The following GRIK2 variants were observed in gnomAD, a reference collection of about 807,000 sequenced individuals.
The protein encoded by GRIK2 is glutamate receptor ionotropic, kainate 2.
GRIK2 carries 32 observed loss-of-function variants against 100.3 expected under a neutral mutation model. The observed-to-expected ratio is 0.32, with a 90% confidence interval of 0.24 to 0.43. The LOEUF (loss-of-function observed/expected upper bound fraction) is 0.43. Ranked by LOEUF, GRIK2 falls within the 20% of genes least tolerant of loss-of-function variation. The pLI, the probability that GRIK2 is intolerant of heterozygous loss-of-function variation, is 1.00. For synonymous variants in GRIK2, 417 were observed against 389.4 expected (o/e 1.07, Z -0.83); for missense variants, 843 against 1,114.9 (o/e 0.76, Z 3.47).
chr6:101,401,358 C>A (rs1404869242), intron 2 of GRIK2, among the ~76,000 whole-genome samples: 1 of 151,994 alleles, frequency 6.6e-6, no homozygotes, highest in Non-Finnish European at 1.5e-5. Context: ...TAGCAGCTTT[C>A]CAAAAGAGCT....
At chr6:101,886,810 T>G (rs1786655985) in intron 11 of GRIK2, among the ~76,000 whole-genome samples, 3 of 148,774 alleles carry the variant, frequency 2.0e-5, no homozygotes, top group Admixed American at 1.4e-4. Context: ...ACCACCATTC[T>G]TCTTTCTACC....
At chr6:101,995,129 A>G (rs909682243) in intron 14 of GRIK2, among the ~76,000 whole-genome samples, 1 of 151,904 alleles carries the variant, frequency 6.6e-6, no homozygotes, top group South Asian at 2.1e-4. Flanking sequence ...AAATGAACCC[A>G]TGGTAGTTCC....
chr6:101,664,617 C>T (rs1769874946), intron 4 of GRIK2, among the ~76,000 whole-genome samples: 1 of 152,180 alleles, frequency 6.6e-6, no homozygotes, highest in Admixed American at 6.5e-5. Context: ...GGCATAATTG[C>T]TTTTTTTCAT....
intron 14 of GRIK2, among the ~76,000 whole-genome samples, chr6:101,999,678 G>GT (rs1794832023): frequency 6.6e-6 from 1 of 151,974 alleles, no homozygotes; most frequent in Non-Finnish European, 1.5e-5. Flanking sequence ...GACTATATAA[G>GT]TTTTTTGTGC....
At chr6:101,732,404 A>AT (rs1325533260) in intron 7 of GRIK2, among the ~76,000 whole-genome samples, 3 of 151,852 alleles carry the variant, frequency 2.0e-5, no homozygotes, top group Admixed American at 6.6e-5. Context: ...TAACAATCAT[A>AT]TTTTTTTTAG....
At chr6:101,614,749 G>T (rs1172750888) in intron 2 of GRIK2, among the ~76,000 whole-genome samples, 1 of 151,674 alleles carries the variant, frequency 6.6e-6, no homozygotes, top group Non-Finnish European at 1.5e-5. Flanking sequence ...ATAACAGATG[G>T]TGTGCCATTT....
intron 2 of GRIK2, among the ~76,000 whole-genome samples, chr6:101,585,151 T>TC (rs1176940561): frequency 6.6e-6 from 1 of 152,036 alleles, no homozygotes; most frequent in Non-Finnish European, 1.5e-5. Flanking sequence ...AATTGAGATT[T>TC]CCCCAAAATA....
Position 101,845,659 on chromosome 6 carries a change from C to A in GRIK2, c.1318-13628C>A, listed in dbSNP as rs12204893. On this transcript the variant is annotated intron_variant, in intron 10 of 16. Transcript: ENST00000369134. Reference sequence around the variant, plus strand: ...TTTTGTTTAAACACCAATTTTTAATCTTTTTGGGTATATACCTAAGAATAG... The same window carrying A: ...TTTTGTTTAAACACCAATTTTTAATATTTTTGGGTATATACCTAAGAATAG... Among the ~76,000 whole-genome samples the A allele has an allele frequency of 9.2e-3, 1,403 of 152,216 alleles. 14 individuals are homozygous for A. Among genetic ancestry groups the A allele is most frequent in the Middle Eastern group, 0.02 (6 of 294 alleles).
Position 101,559,655 on chromosome 6 carries a change from C to G in GRIK2, c.116-62294C>G, listed in dbSNP as rs570619232. On this transcript the variant is annotated intron_variant, in intron 2 of 16. Transcript: ENST00000369134. The stretch of plus-strand genomic sequence containing the variant: ...TATTATTTAATACCTCCATCCTTAA[C>G]TGCCTTATAATTTTAATAGCAATGA... Among the ~76,000 whole-genome samples, 6 of 152,192 alleles carry G rather than the reference C, an allele frequency of 3.9e-5. No homozygotes were observed. The South Asian group carries it at 1.2e-3, about 32-fold the overall frequency.
At chr6:101,953,753 A>G (rs1309239818) in intron 14 of GRIK2, among the ~76,000 whole-genome samples, 1 of 152,122 alleles carries the variant, frequency 6.6e-6, no homozygotes, top group Non-Finnish European at 1.5e-5. Context: ...AAAAGCTTTT[A>G]CTATTAATGA....
At chr6:101,655,479 C>T (rs976760172) in intron 4 of GRIK2, among the ~76,000 whole-genome samples, 1 of 152,134 alleles carries the variant, frequency 6.6e-6, no homozygotes, top group East Asian at 1.9e-4. Flanking sequence ...AAAATCCATA[C>T]CTGCCACTTA....
At chr6:101,536,607 A>G (rs1228795008) in intron 2 of GRIK2, among the ~76,000 whole-genome samples, 1 of 151,738 alleles carries the variant, frequency 6.6e-6, no homozygotes, top group East Asian at 1.9e-4. Context: ...CTAAAGTTTC[A>G]AAAACTTAGA....
intron 2 of GRIK2, among the ~76,000 whole-genome samples, chr6:101,406,929 C>T (rs1775626985): frequency 6.6e-6 from 1 of 152,036 alleles, no homozygotes; most frequent in Admixed American, 6.6e-5. Context: ...AGCTACTTTT[C>T]TATTATTAAA....
intron 2 of GRIK2, among the ~76,000 whole-genome samples, chr6:101,418,644 C>G (rs1205985678): frequency 2.0e-5 from 3 of 152,044 alleles, no homozygotes; most frequent in African/African-American, 7.2e-5. Context: ...GATAGTTAGG[C>G]AGGGAAGGAA....
rs1482653264 is a variant in GRIK2, at chr6:102,013,096, A to G, written c.2086-22245A>G. Reference sequence around the variant, plus strand: ...GAATGTTTCTTTATTTGTTTGTGTCATCTTTGATTTCTTTGAGGAGTGTTT... The same window carrying G: ...GAATGTTTCTTTATTTGTTTGTGTCGTCTTTGATTTCTTTGAGGAGTGTTT... On this transcript the variant is annotated intron_variant, in intron 14 of 16. Coordinates refer to ENST00000369134, the MANE Select transcript of GRIK2 (RefSeq NM_021956.5). Among the ~76,000 whole-genome samples the G allele has an allele frequency of 2.0e-5, 3 of 151,992 alleles. No individual in the cohort carries two copies. The East Asian group carries it at 5.8e-4, about 29-fold the overall frequency.
At chr6:101,858,975 A>C (rs565473932) in intron 10 of GRIK2, among the ~76,000 whole-genome samples, 78 of 152,046 alleles carry the variant, frequency 5.1e-4, no homozygotes, top group African/African-American at 1.8e-3. Context: ...TATAGCATAT[A>C]TTACATATCA....
chr6:101,583,486 G>A (rs1778200700), intron 2 of GRIK2, among the ~76,000 whole-genome samples: 1 of 152,104 alleles, frequency 6.6e-6, no homozygotes, highest in Admixed American at 6.6e-5. Flanking sequence ...AAGACTGCCT[G>A]AGTGAACTGC....
At chr6:101,401,989 A>C (rs995518122) in intron 2 of GRIK2, among the ~76,000 whole-genome samples, 1 of 152,062 alleles carries the variant, frequency 6.6e-6, no homozygotes. Context: ...GCAACGGCGG[A>C]GCCCGCCCAG....
chr6:101,735,852 A>G (rs1280657593), intron 7 of GRIK2, among the ~76,000 whole-genome samples: 4 of 152,152 alleles, frequency 2.6e-5, no homozygotes, highest in African/African-American at 4.8e-5. Flanking sequence ...ACTAACTCAA[A>G]AGTTCACAAT....
Sources: allele counts gnomAD v4.1 joint callset (sites outside exome capture counted in the v4.1 genomes callset), GRCh38; gene constraint gnomAD v4.1.1; transcripts MANE v1.5; gene names NCBI Gene and HGNC (gene_info 2026-07-23, HGNC 2026-07-21).